Variants in DOCK3 observed in about 807,000 individuals in gnomAD.
DOCK3 encodes the protein dedicator of cytokinesis 3.
Under a neutral mutation model 265.6 loss-of-function variants are expected in DOCK3, and 60 were observed. The observed-to-expected ratio is 0.23, with a 90% confidence interval of 0.18 to 0.28. The LOEUF is 0.28. Ranked by LOEUF, DOCK3 falls within the 10% of genes least tolerant of loss-of-function variation. DOCK3 has a pLI of 1.00. For missense variants in DOCK3, 1,981 were observed against 2,594.3 expected (o/e 0.76, Z 5.14); for synonymous variants, 881 against 938.0 (o/e 0.94, Z 1.11).
chr3:50,922,803 G>T (rs543350256), intron 4 of DOCK3, among the ~76,000 whole-genome samples: 1 of 150,620 alleles, frequency 6.6e-6, no homozygotes, highest in East Asian at 2.0e-4. Flanking sequence ...TTGGGAACAG[G>T]TGGGGTTTGG....
At chr3:50,683,517 G>A (rs1391959053) in intron 1 of DOCK3, among the ~76,000 whole-genome samples, 1 of 152,188 alleles carries the variant, frequency 6.6e-6, no homozygotes, top group African/African-American at 2.4e-5. Flanking sequence ...GTTGTGATTT[G>A]AATGCAGATT....
intron 5 of DOCK3, among the ~76,000 whole-genome samples, chr3:51,025,934 C>T (rs1402769809): frequency 6.6e-6 from 1 of 152,186 alleles, no homozygotes; most frequent in African/African-American, 2.4e-5. Context: ...CCTTCTCACA[C>T]TCTGAGAACT....
chr3:50,684,830 A>G (rs925219044), intron 1 of DOCK3, among the ~76,000 whole-genome samples: 3 of 152,274 alleles, frequency 2.0e-5, no homozygotes, highest in Admixed American at 6.5e-5. Flanking sequence ...TCTTTTCTAT[A>G]TTGTGAATTC....
chr3:50,990,768 C>T (rs2078075955), intron 5 of DOCK3, among the ~76,000 whole-genome samples: 1 of 152,122 alleles, frequency 6.6e-6, no homozygotes, highest in Non-Finnish European at 1.5e-5. Context: ...ATGATGGAGG[C>T]TGGGAGGGTA....
At chr3:51,180,368 A>G (rs1267486418) in intron 12 of DOCK3, among the ~76,000 whole-genome samples, 2 of 152,182 alleles carry the variant, frequency 1.3e-5, no homozygotes, top group African/African-American at 4.8e-5. Context: ...GCTTAAAACA[A>G]CAGAAATTCA....
intron 24 of DOCK3, among the ~76,000 whole-genome samples, chr3:51,273,977 C>T (rs569423959): frequency 1.3e-5 from 2 of 152,290 alleles, no homozygotes; most frequent in East Asian, 3.9e-4. Context: ...CCTTACACCC[C>T]ATTCTACAGA....
chr3:51,094,160 G>A (rs1196280724), intron 9 of DOCK3, among the ~76,000 whole-genome samples: 1 of 152,168 alleles, frequency 6.6e-6, no homozygotes, highest in Non-Finnish European at 1.5e-5. Flanking sequence ...CCAGGTTTTG[G>A]TATCAGGATG....
Position 50,675,213 on chromosome 3 carries a change from G to C in DOCK3, c.-51G>C. The C allele has an allele frequency of 1.8e-6, 2 of 1,107,682 alleles. No homozygotes were observed. Among genetic ancestry groups the C allele is most frequent in the Non-Finnish European group, 2.2e-6 (2 of 903,548 alleles). The allele number at this position is 1,107,682 out of a possible 1,614,324, so 68.6% of individuals were successfully genotyped here. The stretch of plus-strand genomic sequence containing the variant: ...CACAGCCGGGCCCGCGGCCGTCCCC[G>C]CCGCGTTGTCGCCCGGTCGCCGCGC... On this transcript the variant is annotated 5_prime_UTR_variant, in exon 1 of 53. Transcript: ENST00000266037. The surrounding 1 kb of genome is among the most constrained non-coding windows in gnomAD (Gnocchi z 6.1).
intron 14 of DOCK3, among the ~76,000 whole-genome samples, chr3:51,215,618 G>T (rs1178521105): frequency 6.6e-6 from 1 of 152,168 alleles, no homozygotes; most frequent in Non-Finnish European, 1.5e-5. Context: ...TGGGTAGCTT[G>T]GGCATAGAGA....
intron 1 of DOCK3, among the ~76,000 whole-genome samples, chr3:50,695,355 A>AT (rs1169234679): frequency 9.2e-5 from 14 of 152,134 alleles, no homozygotes; most frequent in East Asian, 3.8e-4. Context: ...TTAGCTAGTG[A>AT]TTTTTTTTCT....
At chr3:50,989,112 C>A (rs913650735) in intron 5 of DOCK3, among the ~76,000 whole-genome samples, 3 of 152,154 alleles carry the variant, frequency 2.0e-5, no homozygotes, top group Non-Finnish European at 2.9e-5. Context: ...TCATGCACCG[C>A]CCCCTACTGC....
chr3:51,139,056 A>G (rs2084929545), intron 9 of DOCK3, among the ~76,000 whole-genome samples: 1 of 152,148 alleles, frequency 6.6e-6, no homozygotes, highest in Non-Finnish European at 1.5e-5. Context: ...GACCAAGACT[A>G]ATGGATAATC....
At chr3:51,042,866 C>T (rs376669103) in intron 5 of DOCK3, among the ~76,000 whole-genome samples, 73 of 152,136 alleles carry the variant, frequency 4.8e-4, no homozygotes, top group African/African-American at 1.7e-3. Flanking sequence ...GAATAAAACA[C>T]CTAGGAGTAC....
At chr3:51,008,261 G>C (rs549830080) in intron 5 of DOCK3, among the ~76,000 whole-genome samples, 2 of 152,194 alleles carry the variant, frequency 1.3e-5, no homozygotes, top group Non-Finnish European at 2.9e-5. Flanking sequence ...CATGAACATG[G>C]AATGTTCTTC....
intron 5 of DOCK3, among the ~76,000 whole-genome samples, chr3:51,017,391 A>T (rs2079392575): frequency 6.6e-6 from 1 of 150,476 alleles, no homozygotes; most frequent in Non-Finnish European, 1.5e-5. Context: ...ATTTCTTTTC[A>T]CTGGCTAACT....
chr3:50,970,927 AT>A lies in DOCK3; in HGVS notation c.315+36851del, dbSNP rs1274370338. ...TATATATATATATATATATATATAT[AT>A]ATATATATATATATATATAATGTGT... On this transcript the variant is annotated intron_variant, in intron 5 of 52. Transcript: ENST00000266037. Among the ~76,000 whole-genome samples the A allele has an allele frequency of 8.5e-4, 60 of 70,428 alleles. 3 individuals carry two copies. Among genetic ancestry groups the A allele is most frequent in the African/African-American group, 3.0e-3 (50 of 16,534 alleles). 46.2% of individuals were successfully genotyped at this position (70,428 alleles called of 152,430 possible).
At chr3:51,155,140 T>C (rs2085788101) in intron 10 of DOCK3, among the ~76,000 whole-genome samples, 1 of 151,840 alleles carries the variant, frequency 6.6e-6, no homozygotes, top group Non-Finnish European at 1.5e-5. Flanking sequence ...CATGCTTGGC[T>C]AATTTTTTTT....
intron 5 of DOCK3, among the ~76,000 whole-genome samples, chr3:51,049,694 A>AAGAAAAAGAATAAAAGGC (rs1468988217): frequency 1.3e-5 from 2 of 152,098 alleles, no homozygotes; most frequent in African/African-American, 2.4e-5. Context: ...ACAAATAGAC[A>AAGAAAAAGAATAAAAGGC]AGAAAAAGAA....
chr3:51,345,515 G>A (rs557188626), intron 38 of DOCK3, among the ~76,000 whole-genome samples: 4 of 152,216 alleles, frequency 2.6e-5, no homozygotes, highest in East Asian at 3.9e-4. Flanking sequence ...CTAGCTACTC[G>A]GGAGGTTGAG....
Sources: gnomAD v4.1 joint callset for allele counts (sites outside exome capture counted in the v4.1 genomes callset) on GRCh38, gnomAD v4.1.1 for gene constraint, Gnocchi (gnomAD v3.1) non-coding constraint, MANE v1.5 for transcripts, NCBI Gene and HGNC (gene_info 2026-07-23, HGNC 2026-07-21) for gene names.